Variants in TIAM2 observed in about 807,000 individuals in gnomAD.
The protein encoded by TIAM2 is TIAM Rac1 associated GEF 2.
In TIAM2, 80 loss-of-function variants were observed where a neutral mutation model predicts 152.9. The ratio of observed to expected loss-of-function variants is 0.52; its 90% CI spans 0.44 to 0.63. The LOEUF (loss-of-function observed/expected upper bound fraction) is 0.63. TIAM2 is among the 30% of genes least tolerant of loss of function. TIAM2 has a pLI of 0.00. For synonymous variants in TIAM2, 804 were observed against 838.0 expected (o/e 0.96, Z 0.70); for missense variants, 1,965 against 2,120.1 (o/e 0.93, Z 1.44).
intron 14 of TIAM2, among the ~76,000 whole-genome samples, chr6:155,207,166 C>T (rs1781617417): frequency 6.6e-6 from 1 of 152,112 alleles, no homozygotes; most frequent in African/African-American, 2.4e-5. Flanking sequence ...CATTTGGCAC[C>T]CAGGACAGGA....
Position 155,212,677 on chromosome 6 carries a change from GGGCCCACTA to G in TIAM2, c.3168+1379_3168+1387del, listed in dbSNP as rs761385634. ...GGGTGCTTTTGCCCAAGTTTTGCTC[GGGCCCACTA>G]GGCCCACTCGGCCCACTCGACCTGG... On this transcript the variant is annotated intron_variant, in intron 15 of 26. Coordinates refer to ENST00000682666, the MANE Select transcript of TIAM2 (RefSeq NM_012454.4). 9.6e-4 allele frequency among the ~76,000 whole-genome samples: 137 copies of G among 143,034 alleles called. No homozygotes were observed. In the South Asian group the frequency reaches 0.014, roughly 15 times the overall value. 93.8% of individuals were successfully genotyped at this position (143,034 alleles called of 152,430 possible). A position where few individuals can be genotyped will look rare whatever the true frequency, so the allele number is the denominator to read the frequency against.
intron 1 of TIAM2, chr6:155,005,059 G>A: frequency 2.2e-6 from 1 of 462,926 alleles, no homozygotes; most frequent in Non-Finnish European, 3.6e-6. Context: ...TGGATGGTCA[G>A]TTGCACCAGA....
intron 7 of TIAM2, among the ~76,000 whole-genome samples, chr6:155,154,731 T>C (rs1780064339): frequency 6.6e-6 from 1 of 152,112 alleles, no homozygotes; most frequent in Non-Finnish European, 1.5e-5. Flanking sequence ...CTGTGGTTAA[T>C]TAGGCTGGGG....
At chr6:155,198,690 A>AAAAAAAAC (rs1781408545) in intron 14 of TIAM2, among the ~76,000 whole-genome samples, 4 of 138,932 alleles carry the variant, frequency 2.9e-5, no homozygotes, top group Non-Finnish European at 3.2e-5. Context: ...AAAAAAAAAA[A>AAAAAAAAC]TCTCTTAATG....
chr6:155,062,343 G>A (rs927754059), intron 1 of TIAM2, among the ~76,000 whole-genome samples: 1 of 151,968 alleles, frequency 6.6e-6, no homozygotes, highest in African/African-American at 2.4e-5. Flanking sequence ...TAATTCACTT[G>A]GGTAAATACC....
intron 14 of TIAM2, among the ~76,000 whole-genome samples, chr6:155,189,688 T>C (rs1240676273): frequency 6.6e-6 from 1 of 152,110 alleles, no homozygotes; most frequent in Non-Finnish European, 1.5e-5. Flanking sequence ...AAGAAGCTCA[T>C]AGTTGAATTG....
At chr6:154,998,093 C>G (rs1391290331) in intron 1 of TIAM2, among the ~76,000 whole-genome samples, 1 of 152,096 alleles carries the variant, frequency 6.6e-6, no homozygotes, top group African/African-American at 2.4e-5. Context: ...TCCTTGATTA[C>G]AGGGAAGAAT....
intron 15 of TIAM2, among the ~76,000 whole-genome samples, chr6:155,235,425 C>T (rs1782704380): frequency 6.6e-6 from 1 of 152,168 alleles, no homozygotes; most frequent in African/African-American, 2.4e-5. Flanking sequence ...TCAGGCCTAT[C>T]ACCATATATG....
rs147345465 is a variant in TIAM2, at chr6:155,052,984, T to G, written c.-208-37305T>G. ...GAATTGCGTTATTAATGAGTATCTG[T>G]TGAATGAATGTGTATGAATAAATCA... On this transcript the variant is annotated intron_variant, in intron 1 of 26. Coordinates refer to ENST00000682666, the MANE Select transcript of TIAM2 (RefSeq NM_012454.4). 9.5e-4 allele frequency among the ~76,000 whole-genome samples: 145 copies of G among 152,206 alleles called. 3 individuals carry two copies. The highest frequency in any genetic ancestry group is 3.4e-3 in the African/African-American group (141 of 41,562).
intron 14 of TIAM2, among the ~76,000 whole-genome samples, chr6:155,185,025 G>A (rs1318822409): frequency 6.7e-6 from 1 of 148,638 alleles, no homozygotes; most frequent in African/African-American, 2.5e-5. Flanking sequence ...ATGTCTCTAT[G>A]TATTTTATCA....
chr6:155,011,207 G>C (rs772312318), intron 1 of TIAM2, among the ~76,000 whole-genome samples: 5 of 152,078 alleles, frequency 3.3e-5, no homozygotes, highest in Non-Finnish European at 7.4e-5. Flanking sequence ...AAGACTCTAG[G>C]GGTCTTTACA....
chr6:155,236,400 T>C (rs1782761361), intron 15 of TIAM2, among the ~76,000 whole-genome samples: 1 of 152,086 alleles, frequency 6.6e-6, no homozygotes, highest in Admixed American at 6.5e-5. Context: ...TGGTGGCTCA[T>C]GCCTGTAATC....
At chr6:155,219,030 G>A (rs1309063108) in intron 15 of TIAM2, among the ~76,000 whole-genome samples, 11 of 148,884 alleles carry the variant, frequency 7.4e-5, no homozygotes, top group South Asian at 4.3e-4. Context: ...CCGCCCACCC[G>A]TGTTCTTGAC....
Position 155,179,361 on chromosome 6 carries a change from G to A in TIAM2, c.2629-17G>A. ...TAACATGAGATCCTCTGATTTTGTT[G>A]TTTTCACCTTTTGCAGGTTTATGAT... On this transcript the variant is annotated splice_polypyrimidine_tract_variant and intron_variant, in intron 11 of 26. Transcript: ENST00000682666. 1 of 1,612,748 alleles carries A rather than the reference G, an allele frequency of 6.2e-7. No homozygotes were observed.
intron 15 of TIAM2, among the ~76,000 whole-genome samples, chr6:155,212,668 G>C (rs1781750232): frequency 6.7e-6 from 1 of 148,616 alleles, no homozygotes; most frequent in Non-Finnish European, 1.5e-5. Flanking sequence ...TTTTGCCCAA[G>C]TTTTGCTCGG....
chr6:154,998,630 A>G (rs1320170845), intron 1 of TIAM2, among the ~76,000 whole-genome samples: 1 of 152,216 alleles, frequency 6.6e-6, no homozygotes, highest in Non-Finnish European at 1.5e-5. Flanking sequence ...ATAAAATTAT[A>G]TACTTGTAGA....
At chr6:155,033,440 A>T (rs575893994) in intron 1 of TIAM2, among the ~76,000 whole-genome samples, 1 of 152,188 alleles carries the variant, frequency 6.6e-6, no homozygotes, top group East Asian at 1.9e-4. Flanking sequence ...AAATTCCCTA[A>T]TCTTGTAGTT....
chr6:155,089,956 G>GTCCA (rs1303398374), intron 1 of TIAM2, among the ~76,000 whole-genome samples: 3 of 151,998 alleles, frequency 2.0e-5, no homozygotes, highest in African/African-American at 4.8e-5. Flanking sequence ...CAGTCTGTCT[G>GTCCA]TCCATCCATC....
Position 155,002,461 on chromosome 6 carries a change from G to A in TIAM2, c.-209+6969G>A, listed in dbSNP as rs530933580. On this transcript the variant is annotated intron_variant, in intron 1 of 26. Transcript: ENST00000682666. ...TGCTTAGAACCTGGCCTGACGAAAT[G>A]AGAAAGTTCACTAAGTGTTTTCTAT... Among the ~76,000 whole-genome samples the A allele has an allele frequency of 7.9e-5, 12 of 152,142 alleles. No individual in the cohort carries two copies. In the South Asian group the frequency reaches 2.3e-3, roughly 29 times the overall value.
Sources: allele counts gnomAD v4.1 joint callset (sites outside exome capture counted in the v4.1 genomes callset), GRCh38; gene constraint gnomAD v4.1.1; transcripts MANE v1.5; gene names NCBI Gene and HGNC (gene_info 2026-07-23, HGNC 2026-07-21).